The following HFM1 variants were observed in gnomAD, a reference collection of about 807,000 sequenced individuals.
The protein encoded by HFM1 is helicase for meiosis 1, also known as probable ATP-dependent DNA helicase HFM1.
Under a neutral mutation model 192.1 loss-of-function variants are expected in HFM1, and 169 were observed. The ratio of observed to expected loss-of-function variants is 0.88; its 90% CI spans 0.78 to 1.00. HFM1 has a LOEUF of 1.00. Among genes scored for constraint, HFM1 ranks in the 50% least tolerant of loss-of-function variants. HFM1 has a pLI of 0.00. For missense variants in HFM1, 1,661 were observed against 1,668.0 expected, an observed-to-expected ratio of 1.00 and a Z score of 0.07; for synonymous variants, 525 against 537.8, an observed-to-expected ratio of 0.98 and a Z score of 0.33.
At chr1:91,274,903 A>C in intron 32 of HFM1, 94 bp from the exon 33 acceptor site, 1 of 571,540 alleles carries the variant, frequency 1.7e-6, no homozygotes, top group South Asian at 2.8e-5. Context: ...TGGTACATAA[A>C]GTCCCCAAAT....
chr1:91,303,324 C>T (rs920025641), intron 30 of HFM1, among the ~76,000 whole-genome samples: 2 of 152,178 alleles, frequency 1.3e-5, no homozygotes, highest in Admixed American at 1.3e-4. Flanking sequence ...CAAGGCTCAT[C>T]CGTGCTGTAG....
At chr1:91,360,675 C>G (rs1658375246) in intron 13 of HFM1, among the ~76,000 whole-genome samples, 1 of 152,166 alleles carries the variant, frequency 6.6e-6, no homozygotes, top group African/African-American at 2.4e-5. Context: ...GACCTGAACT[C>G]AGCTCTGGAT....
At chr1:91,389,247 C>T (rs938950412) in intron 4 of HFM1, among the ~76,000 whole-genome samples, 4 of 151,036 alleles carry the variant, frequency 2.6e-5, no homozygotes, top group South Asian at 4.2e-4. Context: ...CTGCAAGCTC[C>T]GCCTCCCGGG....
intron 13 of HFM1, among the ~76,000 whole-genome samples, chr1:91,363,863 G>T (rs1658871201): frequency 6.6e-6 from 1 of 152,174 alleles, no homozygotes; most frequent in Non-Finnish European, 1.5e-5. Context: ...CCGTAAAAAG[G>T]AATGATATCA....
intron 13 of HFM1, among the ~76,000 whole-genome samples, chr1:91,369,755 G>A (rs1271941664): frequency 6.6e-6 from 1 of 152,056 alleles, no homozygotes; most frequent in Non-Finnish European, 1.5e-5. Flanking sequence ...CAGAACTGAA[G>A]GAAATAGAGA....
At chr1:91,307,279 A>G (rs1649757366) in intron 30 of HFM1, among the ~76,000 whole-genome samples, 1 of 151,872 alleles carries the variant, frequency 6.6e-6, no homozygotes, top group Non-Finnish European at 1.5e-5. Context: ...TTTGCTTTGC[A>G]TTTTATTTCC....
intron 18 of HFM1, among the ~76,000 whole-genome samples, chr1:91,349,285 CAA>C (rs33918216): frequency 0.2 from 30,135 of 148,114 alleles, 3,665 homozygotes; most frequent in South Asian, 0.36. Context: ...GAGGCTATCT[CAA>C]AAAAAAAAAA....
intron 13 of HFM1, among the ~76,000 whole-genome samples, chr1:91,370,231 C>T (rs1424474008): frequency 2.0e-5 from 3 of 152,136 alleles, no homozygotes; most frequent in Non-Finnish European, 4.4e-5. Context: ...TCCTCCCTAA[C>T]GCATTTTATG....
chr1:91,364,632 A>ATATTTTTTTTT (rs753472335), intron 13 of HFM1, among the ~76,000 whole-genome samples: 8 of 66,782 alleles, frequency 1.2e-4, no homozygotes, highest in African/African-American at 5.1e-4. Flanking sequence ...ATATATATAT[A>ATATTTTTTTTT]TTTTTTTTTT....
In HFM1 at chr1:91,321,623, C is replaced by A. The variant is rs895755525; in HGVS notation, c.2582+1327G>T. ...GGTAACTATTAGCCATCATCACCTACCAAAAGACTATAAATTTTGGATTAA... is the reference window on the plus strand; with the variant it reads ...GGTAACTATTAGCCATCATCACCTAACAAAAGACTATAAATTTTGGATTAA... On this transcript the variant is annotated intron_variant, in intron 23 of 38. Coordinates refer to ENST00000370425, the MANE Select transcript of HFM1 (RefSeq NM_001017975.6). 2.3e-4 allele frequency among the ~76,000 whole-genome samples: 35 copies of A among 152,076 alleles called. 1 individual carries two copies. The highest frequency in any genetic ancestry group is 8.5e-4 in the African/African-American group (35 of 41,412).
intron 1 of HFM1, among the ~76,000 whole-genome samples, 153 bp from the exon 2 acceptor site, chr1:91,401,262 A>G (rs941950092): frequency 6.6e-6 from 1 of 152,232 alleles, no homozygotes; most frequent in African/African-American, 2.4e-5. Context: ...AAAGCACCTC[A>G]ATATTCACAT....
At chr1:91,307,483 C>T (rs1163460567) in intron 30 of HFM1, among the ~76,000 whole-genome samples, 2 of 152,010 alleles carry the variant, frequency 1.3e-5, no homozygotes, top group South Asian at 4.1e-4. Flanking sequence ...GACAGGGTCT[C>T]GCTCTGTTAC....
intron 1 of HFM1, among the ~76,000 whole-genome samples, chr1:91,401,534 T>C (rs950848592): frequency 5.3e-5 from 8 of 152,246 alleles, no homozygotes; most frequent in Non-Finnish European, 1.2e-4. Context: ...GCACATTTTA[T>C]TGTGAATGTG....
intron 36 of HFM1, among the ~76,000 whole-genome samples, chr1:91,264,361 ATTTTTTTT>A (rs71087940): frequency 0.025 from 1,428 of 57,094 alleles, 24 homozygotes; most frequent in Non-Finnish European, 0.033. Context: ...CAAATTTAGT[ATTTTTTTT>A]TTTTTTTTTT....
chr1:91,331,277 G>T (rs1456769828), intron 20 of HFM1, among the ~76,000 whole-genome samples: 1 of 152,194 alleles, frequency 6.6e-6, no homozygotes, highest in African/African-American at 2.4e-5. Context: ...CAGTAATGTT[G>T]CAGGATACAA....
intron 11 of HFM1, chr1:91,377,791 A>T: frequency 2.0e-6 from 1 of 499,464 alleles, no homozygotes; most frequent in Non-Finnish European, 3.5e-6. Flanking sequence ...TAAGACTGTT[A>T]GATACTAGCA....
intron 4 of HFM1, among the ~76,000 whole-genome samples, chr1:91,390,763 G>C (rs1471610439): frequency 6.6e-6 from 1 of 152,162 alleles, no homozygotes; most frequent in Non-Finnish European, 1.5e-5. Context: ...AGGGCAATCA[G>C]GTAGGAGAAA....
At chr1:91,321,603 C>G (rs1351533798) in intron 23 of HFM1, among the ~76,000 whole-genome samples, 1 of 152,074 alleles carries the variant, frequency 6.6e-6, no homozygotes, top group African/African-American at 2.4e-5. Context: ...AAAAAGGTAA[C>G]TATTAGCCAT....
rs1362958264 is a variant in HFM1 at position 91,277,123 on chromosome 1, A to G, written c.3392-61T>C. 4.7e-6 allele frequency: 4 copies of G among 857,244 alleles called. No individual in the cohort carries two copies. The South Asian group carries it at 5.2e-5, about 11-fold the overall frequency. The allele number at this position is 857,244 out of a possible 1,614,324, so 53.1% of individuals were successfully genotyped here. ...CTACATTTATTATTGTTAATTTAAT[A>G]TAATTAATTTTTATCCAGTTTCCTT... On this transcript the variant is annotated intron_variant, in intron 30 of 38. Coordinates refer to ENST00000370425, the MANE Select transcript of HFM1 (RefSeq NM_001017975.6).
Sources: allele counts gnomAD v4.1 joint callset (sites outside exome capture counted in the v4.1 genomes callset), GRCh38; gene constraint gnomAD v4.1.1; transcripts MANE v1.5; gene names NCBI Gene and HGNC (gene_info 2026-07-23, HGNC 2026-07-21).